ZRANB3: variants seen among roughly 807,000 people sequenced by gnomAD.
ZRANB3 encodes the protein DNA annealing helicase and endonuclease ZRANB3.
In ZRANB3, 125 loss-of-function variants were observed where a neutral mutation model predicts 133.8. The ratio of observed to expected loss-of-function variants is 0.93; its 90% CI spans 0.81 to 1.08. The LOEUF (loss-of-function observed/expected upper bound fraction) is 1.08. Among genes scored for constraint, ZRANB3 ranks in the 50% least tolerant of loss-of-function variants. The pLI, the probability that ZRANB3 is intolerant of heterozygous loss-of-function variation, is 0.00. For missense variants in ZRANB3, 1,229 were observed against 1,275.5 expected (o/e 0.96, Z 0.56); for synonymous variants, 387 against 432.7 (o/e 0.89, Z 1.31).
chr2:135,392,678 G>A (rs1170160909), intron 2 of ZRANB3, among the ~76,000 whole-genome samples: 1 of 152,098 alleles, frequency 6.6e-6, no homozygotes, highest in African/African-American at 2.4e-5. Flanking sequence ...AACCCGGGAG[G>A]CAGAGGTTGC....
intron 2 of ZRANB3, among the ~76,000 whole-genome samples, chr2:135,449,975 C>T (rs1425388431): frequency 1.3e-5 from 2 of 152,166 alleles, no homozygotes; most frequent in East Asian, 3.9e-4. Flanking sequence ...CTAGGCTGGT[C>T]TCAAACTCCT....
intron 1 of ZRANB3, among the ~76,000 whole-genome samples, chr2:135,508,004 C>G (rs925959478): frequency 6.6e-6 from 1 of 151,980 alleles, no homozygotes; most frequent in African/African-American, 2.4e-5. Context: ...CAAAACAAAA[C>G]GACTCCTTTA....
chr2:135,358,759 A>T (rs1321702832), intron 3 of ZRANB3, among the ~76,000 whole-genome samples: 2 of 152,192 alleles, frequency 1.3e-5, no homozygotes, highest in South Asian at 2.1e-4. Context: ...AAACAGAAGG[A>T]TAAAATAAAG....
chr2:135,449,040 C>T (rs960901902), intron 2 of ZRANB3, among the ~76,000 whole-genome samples: 11 of 152,168 alleles, frequency 7.2e-5, no homozygotes, highest in African/African-American at 2.7e-4. Context: ...CACTGTAATA[C>T]TAGGTGATTT....
chr2:135,300,552 G>A (rs1682378707), intron 8 of ZRANB3, among the ~76,000 whole-genome samples: 1 of 152,106 alleles, frequency 6.6e-6, no homozygotes, highest in Non-Finnish European at 1.5e-5. Flanking sequence ...GGGGGTCTGG[G>A]CACAAAATAT....
chr2:135,352,709 C>T (rs1685266218), intron 4 of ZRANB3, among the ~76,000 whole-genome samples: 1 of 151,850 alleles, frequency 6.6e-6, no homozygotes, highest in African/African-American at 2.4e-5. Flanking sequence ...ACAATAATAC[C>T]AAAATTTAAA....
At chr2:135,345,678 A>G (rs748519581) in intron 5 of ZRANB3, 43 bp from the exon 6 acceptor site, 1 of 1,329,924 alleles carries the variant, frequency 7.5e-7, no homozygotes, top group Non-Finnish European at 1.1e-6. Flanking sequence ...AATATTTTCA[A>G]GTAAATTATT....
chr2:135,277,740 C>G (rs557034461), intron 8 of ZRANB3, among the ~76,000 whole-genome samples: 142 of 152,124 alleles, frequency 9.3e-4, no homozygotes, highest in African/African-American at 3.0e-3. Context: ...GCCTGGCCAA[C>G]ACGGTGAAAC....
At position 135,240,859 on chromosome 2, in the gene ZRANB3, C is replaced by T. The variant is rs147512016; in HGVS notation, c.1540-9932G>A. 5.6e-4 allele frequency among the ~76,000 whole-genome samples: 85 copies of T among 152,186 alleles called. No homozygotes were observed. In the East Asian group the frequency reaches 0.015, roughly 26 times the overall value. On this transcript the variant is annotated intron_variant, in intron 12 of 20. Transcript: ENST00000264159. ...CCCCCCAAAGTGGTGGAATTACAGGCGTGAGCCACCATGCCTGACCTCTCA... is the reference window on the plus strand; with the variant it reads ...CCCCCCAAAGTGGTGGAATTACAGGTGTGAGCCACCATGCCTGACCTCTCA...
intron 2 of ZRANB3, among the ~76,000 whole-genome samples, chr2:135,417,083 T>G (rs981271000): frequency 3.3e-5 from 5 of 152,046 alleles, no homozygotes; most frequent in Non-Finnish European, 5.9e-5. Flanking sequence ...CCAAAAGCAA[T>G]GGCAACAAAA....
At chr2:135,442,756 C>T (rs1689836466) in intron 2 of ZRANB3, among the ~76,000 whole-genome samples, 1 of 152,160 alleles carries the variant, frequency 6.6e-6, no homozygotes, top group Non-Finnish European at 1.5e-5. Context: ...CGTATGTTTA[C>T]TGTGACACTA....
intron 2 of ZRANB3, among the ~76,000 whole-genome samples, chr2:135,486,721 C>G (rs576592303): frequency 6.6e-6 from 1 of 152,248 alleles, no homozygotes; most frequent in African/African-American, 2.4e-5. Context: ...GCCATGTTGA[C>G]TAGGCTGGTC....
chr2:135,418,116 T>A (rs1392559510), intron 2 of ZRANB3, among the ~76,000 whole-genome samples: 1 of 151,682 alleles, frequency 6.6e-6, no homozygotes. Flanking sequence ...ATAATAATAA[T>A]AAAAACAAAC....
chr2:135,275,729 C>T lies in ZRANB3; in HGVS notation c.993G>A (p.Lys331=), dbSNP rs1680784631. The T allele has an allele frequency of 1.9e-6, 3 of 1,595,898 alleles. No individual in the cohort carries two copies. Among genetic ancestry groups the T allele is most frequent in the Non-Finnish European group, 2.6e-6 (3 of 1,170,026 alleles). The part of the protein sequence containing the change: ...AKAGAVKDYI[K]MMLQNDSLKF... ...TAAGCGAATCATTCTGAAGCATCAT[C>T]TTAATATAATCCTTTACAGCACCTG... is the stretch of plus-strand genomic sequence containing the variant. Residue 331 remains lysine (K), a synonymous_variant, in exon 9 of 21, where the codon AAG becomes AAA. Coordinates refer to ENST00000264159, the MANE Select transcript of ZRANB3 (RefSeq NM_032143.4).
At chr2:135,445,258 A>G (rs1689966292) in intron 2 of ZRANB3, among the ~76,000 whole-genome samples, 1 of 152,080 alleles carries the variant, frequency 6.6e-6, no homozygotes, top group Admixed American at 6.5e-5. Flanking sequence ...AGCCTGGCCA[A>G]CATAATGAAA....
At chr2:135,205,940 CA>C (rs1263074895) in intron 19 of ZRANB3, among the ~76,000 whole-genome samples, 14 of 152,262 alleles carry the variant, frequency 9.2e-5, no homozygotes, top group African/African-American at 3.4e-4. Flanking sequence ...TGATATACTG[CA>C]CCACCTGTTA....
intron 8 of ZRANB3, among the ~76,000 whole-genome samples, chr2:135,292,044 C>G (rs569153963): frequency 6.6e-6 from 1 of 152,000 alleles, no homozygotes. Flanking sequence ...TGAATAGTGC[C>G]GAAATAAATG....
chr2:135,372,664 G>A (rs1558950337), intron 3 of ZRANB3, among the ~76,000 whole-genome samples: 1 of 151,956 alleles, frequency 6.6e-6, no homozygotes, highest in South Asian at 2.1e-4. Context: ...GTGGGTGCCT[G>A]TAGTCCCAGC....
intron 1 of ZRANB3, among the ~76,000 whole-genome samples, chr2:135,508,630 T>C (rs923153246): frequency 1.3e-5 from 2 of 152,168 alleles, no homozygotes; most frequent in African/African-American, 4.8e-5. Context: ...TAAACAGATA[T>C]TTGGATAAAT....
Sources: allele counts gnomAD v4.1 joint callset (sites outside exome capture counted in the v4.1 genomes callset), GRCh38; gene constraint gnomAD v4.1.1; transcripts MANE v1.5; gene names NCBI Gene and HGNC (gene_info 2026-07-23, HGNC 2026-07-21).